EPHX1: variants seen among roughly 807,000 people sequenced by gnomAD.
The protein encoded by EPHX1 is epoxide hydratase.
In EPHX1, 40 loss-of-function variants were observed where a neutral mutation model predicts 43.2. The ratio of observed to expected loss-of-function variants is 0.93; its 90% CI spans 0.72 to 1.21. The LOEUF is 1.21. Ranked by LOEUF, EPHX1 falls within the 50% of genes most tolerant of loss-of-function variation. The pLI is 0.00. For missense variants in EPHX1, 550 were observed against 570.4 expected (o/e 0.96, Z 0.36); for synonymous variants, 221 against 226.7 (o/e 0.98, Z 0.22).
At chr1:225,842,247 G>A (rs1328439380) in intron 6 of EPHX1, 119 bp from the exon 7 acceptor site, 38 of 782,094 alleles carry the variant, frequency 4.9e-5, no homozygotes, top group Middle Eastern at 2.3e-4. Context: ...GCCTGTGCTC[G>A]AACGTGGCTT....
rs1221589836 is a variant in EPHX1, at chr1:225,828,913, G to A, written c.183+1G>A. On this transcript the variant is annotated splice_donor_variant, in intron 2 of 8. Coordinates refer to ENST00000272167, the MANE Select transcript of EPHX1 (RefSeq NM_001136018.4). LOFTEE classifies it high-confidence loss of function. ...GGAAACGTCAGATGAGGAGATCCAC[G>A]TAAGGCACCTTGGGCCGGGCCGGGC... 19 of 1,569,088 alleles carry A rather than the reference G, an allele frequency of 1.2e-5. No individual in the cohort carries two copies. The highest frequency in any genetic ancestry group is 1.6e-5 in the Non-Finnish European group (18 of 1,154,778).
rs760129064 is a variant in EPHX1 at position 225,838,886 on chromosome 1, G to A, written c.592+5G>A. ...CAGAGGCATCCTCCAAGAAGGGTACGGGGCTGCTAGAGGTTCCATAACTGC... is the reference window on the plus strand; with the variant it reads ...CAGAGGCATCCTCCAAGAAGGGTACAGGGCTGCTAGAGGTTCCATAACTGC... On this transcript the variant is annotated splice_donor_5th_base_variant and intron_variant, in intron 4 of 8. Coordinates refer to ENST00000272167, the MANE Select transcript of EPHX1 (RefSeq NM_001136018.4). The A allele has an allele frequency of 1.4e-5, 23 of 1,613,556 alleles. No homozygotes were observed. Among genetic ancestry groups the A allele is most frequent in the African/African-American group, 4.0e-5 (3 of 74,918 alleles).
chr1:225,815,770 G>A (rs898515214), intron 1 of EPHX1, among the ~76,000 whole-genome samples: 3 of 152,218 alleles, frequency 2.0e-5, no homozygotes, highest in Non-Finnish European at 4.4e-5. Context: ...TCTGCTAGAT[G>A]AGACGGCAGG....
intron 1 of EPHX1, among the ~76,000 whole-genome samples, chr1:225,824,270 C>T (rs1667124056): frequency 6.6e-6 from 1 of 152,022 alleles, no homozygotes. Flanking sequence ...CCCTAGGAGT[C>T]CCTTCTGGCC....
At position 225,828,806 on chromosome 1, in the gene EPHX1, C is replaced by G. The variant is rs200146699; in HGVS notation, c.77C>G (p.Thr26Ser). 352 of 1,613,856 alleles carry G rather than the reference C, an allele frequency of 2.2e-4. 3 individuals are homozygous for G. The East Asian group carries it at 7.8e-3, about 36-fold the overall frequency. ...TTCATCTCCCGGGACAAAGAGGAAA[C>G]TTTGCCACTTGAAGATGGGTGGTGG... ...YWFISRDKEE[T>S]LPLEDGWWGP... Residue 26 changes from threonine (T) to serine (S), a missense_variant, in exon 2 of 9, where the codon ACT becomes AGT. Physicochemically the swap from Thr to Ser is moderately conservative, Grantham distance 58. Transcript: ENST00000272167.
intron 1 of EPHX1, among the ~76,000 whole-genome samples, chr1:225,826,679 G>A (rs1667259238): frequency 6.6e-6 from 1 of 152,158 alleles, no homozygotes; most frequent in African/African-American, 2.4e-5. Flanking sequence ...ATGATTCCCA[G>A]GACGAAGGCT....
At chr1:225,828,677 G>A in intron 1 of EPHX1, 48 bp from the exon 2 acceptor site, 16 of 1,602,516 alleles carry the variant, frequency 1.0e-5, no homozygotes, top group Non-Finnish European at 1.4e-5. Context: ...GGCTGTCAGG[G>A]CCGGGCTGGG....
At chr1:225,810,844 C>T (rs890662690) in intron 1 of EPHX1, among the ~76,000 whole-genome samples, 5 of 152,012 alleles carry the variant, frequency 3.3e-5, no homozygotes, top group South Asian at 4.2e-4. Flanking sequence ...AAGACAATGT[C>T]ATCAGTTAAG....
intron 1 of EPHX1, among the ~76,000 whole-genome samples, chr1:225,812,672 C>A (rs913183818): frequency 1.3e-5 from 2 of 152,228 alleles, no homozygotes; most frequent in African/African-American, 4.8e-5. Context: ...CATGTGAAAG[C>A]AGGGGCTACC....
At chr1:225,842,277 T>C in intron 6 of EPHX1, 89 bp from the exon 7 acceptor site, 2 of 1,007,828 alleles carry the variant, frequency 2.0e-6, no homozygotes, top group Admixed American at 3.5e-5. Flanking sequence ...AGCCCCGCCC[T>C]CTGCGGCCAG....
At chr1:225,815,706 C>T (rs545960023) in intron 1 of EPHX1, among the ~76,000 whole-genome samples, 24 of 152,292 alleles carry the variant, frequency 1.6e-4, no homozygotes, top group South Asian at 4.1e-4. Flanking sequence ...ACCCAGAACT[C>T]GGACCCTGGT....
chr1:225,821,131 T>A (rs1487736118), intron 1 of EPHX1, among the ~76,000 whole-genome samples: 2 of 152,240 alleles, frequency 1.3e-5, no homozygotes, highest in Admixed American at 1.3e-4. Context: ...AAATGAATTG[T>A]ATGTTTTAAA....
At chr1:225,810,260 G>T (rs1666409344) in intron 1 of EPHX1, 91 bp downstream of exon 1, 1 of 151,318 alleles carries the variant, frequency 6.6e-6, no homozygotes, top group African/African-American at 2.4e-5. Context: ...TGGGCGGCGG[G>T]CCGGGGCGCC....
At position 225,844,609 on chromosome 1, in the gene EPHX1, C is replaced by T. The variant is rs1409649280; in HGVS notation, c.1152C>T (p.Thr384=). 4.3e-6 allele frequency: 7 copies of T among 1,613,962 alleles called. No homozygotes were observed. In the African/African-American group the frequency reaches 5.3e-5, roughly 12 times the overall value. ...AGAACCTGGGACAGGGCTGGATGACCCAGAAGCATGAGCGGTGAGCCTGGC... is the reference window on the plus strand; with the variant it reads ...AGAACCTGGGACAGGGCTGGATGACTCAGAAGCATGAGCGGTGAGCCTGGC... ...YKENLGQGWM[T]QKHERMKVYV... Residue 384 remains threonine, a synonymous_variant, in exon 8 of 9, where the codon ACC becomes ACT. Coordinates refer to ENST00000272167, the MANE Select transcript of EPHX1 (RefSeq NM_001136018.4).
chr1:225,838,178 A>G (rs1389824622), intron 3 of EPHX1, among the ~76,000 whole-genome samples: 1 of 152,244 alleles, frequency 6.6e-6, no homozygotes, highest in Non-Finnish European at 1.5e-5. Context: ...ATAAATATAC[A>G]TCTACCTTGT....
chr1:225,839,375 G>GTGTA (rs774407155), intron 5 of EPHX1, 29 bp downstream of exon 5: 3 of 1,532,402 alleles, frequency 2.0e-6, no homozygotes, highest in Non-Finnish European at 2.7e-6. Flanking sequence ...TGGTGTGTGT[G>GTGTA]TGTGTGTGTG....
Position 225,815,444 on chromosome 1 carries a change from G to T in EPHX1, c.-6+5275G>T, listed in dbSNP as rs568643248. 3.0e-4 allele frequency among the ~76,000 whole-genome samples: 42 copies of T among 141,526 alleles called. 4 individuals carry two copies. Among genetic ancestry groups the T allele is most frequent in the Non-Finnish European group, 5.6e-4 (37 of 65,644 alleles). The allele number at this position is 141,526 out of a possible 152,430, so 92.8% of individuals were successfully genotyped here. A position where few individuals can be genotyped will look rare whatever the true frequency, so the allele number is the denominator to read the frequency against. ...TTTTTTTTTTTTTTTGTAGAGACAA[G>T]GTTTCACTGTGTTGCCCAGGCTGGT... On this transcript the variant is annotated intron_variant, in intron 1 of 8. Transcript: ENST00000272167.
chr1:225,823,875 G>A (rs560255741), intron 1 of EPHX1, among the ~76,000 whole-genome samples: 10 of 152,286 alleles, frequency 6.6e-5, no homozygotes, highest in South Asian at 2.1e-4. Context: ...ATGCTTTGTC[G>A]GAGATCTGGC....
At chr1:225,844,797 A>T (rs1668792554) in intron 8 of EPHX1, among the ~76,000 whole-genome samples, 174 bp downstream of exon 8, 1 of 152,154 alleles carries the variant, frequency 6.6e-6, no homozygotes, top group South Asian at 2.1e-4. Context: ...GAAAGCCCTC[A>T]TGGAGGGACC....
Sources: allele counts gnomAD v4.1 joint callset (sites outside exome capture counted in the v4.1 genomes callset), GRCh38; gene constraint gnomAD v4.1.1; transcripts MANE v1.5; gene names NCBI Gene and HGNC (gene_info 2026-07-23, HGNC 2026-07-21).